ZSCAN32: variants seen among roughly 807,000 people sequenced by gnomAD.
The protein encoded by ZSCAN32 is zinc finger and SCAN domain containing 32.
A neutral mutation model predicts 47.4 loss-of-function variants in ZSCAN32; 52 were observed. The observed-to-expected ratio is 1.10, with a 90% CI of 0.88 to 1.38. The LOEUF (loss-of-function observed/expected upper bound fraction) is 1.38. ZSCAN32 is among the 40% of genes most tolerant of loss of function. ZSCAN32 has a pLI of 0.00. For synonymous variants in ZSCAN32, 346 were observed against 305.7 expected, an observed-to-expected ratio of 1.13 and a Z score of -1.38; for missense variants, 959 against 846.0, an observed-to-expected ratio of 1.13 and a Z score of -1.66.
intron 5 of ZSCAN32, among the ~76,000 whole-genome samples, chr16:3,388,189 C>A (rs1170918228): frequency 6.6e-6 from 1 of 152,228 alleles, no homozygotes; most frequent in East Asian, 1.9e-4. Context: ...CTCATTTGAT[C>A]TGGCTTTCTG....
intron 1 of ZSCAN32, among the ~76,000 whole-genome samples, chr16:3,398,552 C>A (rs2033592471): frequency 6.6e-6 from 1 of 152,176 alleles, no homozygotes; most frequent in Non-Finnish European, 1.5e-5. Flanking sequence ...TTTATCTAGG[C>A]AGTGGGCAAG....
At chr16:3,392,677 A>G (rs1596469298) in intron 3 of ZSCAN32, among the ~76,000 whole-genome samples, 1 of 152,170 alleles carries the variant, frequency 6.6e-6, no homozygotes, top group East Asian at 1.9e-4. Flanking sequence ...AATTCAAAAA[A>G]TTAGCCGGGC....
chr16:3,384,329 C>T (rs746726419), intron 6 of ZSCAN32, 130 bp downstream of exon 6: 49 of 1,376,024 alleles, frequency 3.6e-5, no homozygotes, highest in Middle Eastern at 2.3e-4. Context: ...AAAACCAAAA[C>T]TTGGATAGGG....
chr16:3,391,697 A>AAAAC (rs767841047), intron 3 of ZSCAN32, among the ~76,000 whole-genome samples: 3 of 143,598 alleles, frequency 2.1e-5, no homozygotes, highest in Non-Finnish European at 3.0e-5. Context: ...AAAAAAAAAA[A>AAAAC]CAAAATACTA....
Position 3,384,821 on chromosome 16 carries a change from G to A in ZSCAN32, c.872C>T (p.Ala291Val), listed in dbSNP as rs772229742. The change falls in exon 6 of 7, where the codon GCG (alanine) becomes GTG (valine). Residue 291 changes from alanine (A) to valine (V), a missense_variant. Physicochemically the swap from Ala to Val is moderately conservative, Grantham distance 64. Transcript: ENST00000396852. ...AAAACCCTGCTCCCAGAGTCCTTCC[G>A]CCATGGCCCTGTAGATCTGGCTGTT... ...QQNSQIYRAMAEGLWEQGFLR... is the reference protein window; with the variant it reads ...QQNSQIYRAMVEGLWEQGFLR... 149 of 1,614,012 alleles carry A rather than the reference G, an allele frequency of 9.2e-5. No homozygotes were observed. The highest frequency in any genetic ancestry group is 1.1e-4 in the South Asian group (10 of 91,088).
At chr16:3,384,981 G>A in intron 5 of ZSCAN32, 40 bp from the exon 6 acceptor site, 3 of 1,586,346 alleles carry the variant, frequency 1.9e-6, no homozygotes, top group South Asian at 1.1e-5. Context: ...CTGTCAGTTA[G>A]ATCATGGAGG....
At chr16:3,388,023 G>C (rs550890625) in intron 5 of ZSCAN32, among the ~76,000 whole-genome samples, 61 of 152,328 alleles carry the variant, frequency 4.0e-4, no homozygotes, top group African/African-American at 1.3e-3. Context: ...AGGGCCTCAT[G>C]ATCCCATATT....
At chr16:3,391,755 T>G (rs537832255) in intron 3 of ZSCAN32, among the ~76,000 whole-genome samples, 90 of 151,482 alleles carry the variant, frequency 5.9e-4, no homozygotes, top group Non-Finnish European at 1.0e-3. Flanking sequence ...TTTGCCAACT[T>G]AAACATCATC....
intron 3 of ZSCAN32, 136 bp from the exon 4 acceptor site, chr16:3,390,653 CA>C (rs2032579171): frequency 1.6e-6 from 1 of 639,934 alleles, no homozygotes; most frequent in African/African-American, 1.9e-5. Flanking sequence ...TCTGGGGCCC[CA>C]CCTCAGATCT....
chr16:3,384,699 A>C lies in ZSCAN32; in HGVS notation c.994T>G (p.Tyr332Asp), dbSNP rs27230. ...CCTGAAAGAGCATTCATTTCCTCAT[A>C]AAAGATACAAGGCTCAGGCACACGG... is the stretch of plus-strand genomic sequence containing the variant. ...RGRVPEPCIF[Y>D]EEMNALSGSW... The change falls in exon 6 of 7, where the codon TAT becomes GAT. Residue 332 changes from tyrosine (Y) to aspartate (D), a missense_variant. Transcript: ENST00000396852. 1 of 1,614,074 alleles carries C rather than the reference A, an allele frequency of 6.2e-7. No homozygotes were observed. The highest frequency in any genetic ancestry group is 8.5e-7 in the Non-Finnish European group (1 of 1,179,996).
Position 3,383,135 on chromosome 16 carries a change from G to A in ZSCAN32, c.1811C>T (p.Pro604Leu). ...VHQRTHTGEK[P>L]YQCIVCGKRF... Reference sequence around the variant, plus strand: ...CTTTCCACAGACAATGCACTGGTAAGGCTTTTCCCCGGTATGGGTCCTCTG... The same window carrying A: ...CTTTCCACAGACAATGCACTGGTAAAGCTTTTCCCCGGTATGGGTCCTCTG... The change falls in exon 7 of 7, where the codon CCT (proline) becomes CTT (leucine). Residue 604 changes from proline to leucine, a missense_variant. Transcript: ENST00000396852. The A allele has an allele frequency of 6.2e-7, 1 of 1,614,220 alleles. No individual in the cohort carries two copies. The highest frequency in any genetic ancestry group is 8.5e-7 in the Non-Finnish European group (1 of 1,180,044).
chr16:3,392,187 A>T (rs1252974038), intron 3 of ZSCAN32, among the ~76,000 whole-genome samples: 2 of 152,222 alleles, frequency 1.3e-5, no homozygotes, highest in Non-Finnish European at 2.9e-5. Flanking sequence ...CACAACAGGT[A>T]AATCCATGGA....
chr16:3,397,050 A>G (rs1003738691), intron 2 of ZSCAN32, 142 bp downstream of exon 2: 1 of 983,866 alleles, frequency 1.0e-6, no homozygotes, highest in Non-Finnish European at 1.5e-6. Flanking sequence ...TTATAAGGGC[A>G]TAGGACCAAT....
At chr16:3,385,491 T>C (rs1234571990) in intron 5 of ZSCAN32, among the ~76,000 whole-genome samples, 1 of 152,090 alleles carries the variant, frequency 6.6e-6, no homozygotes, top group Non-Finnish European at 1.5e-5. Context: ...GCCAAGTCAA[T>C]CCTAAGCCAA....
chr16:3,386,941 A>T (rs1031083853), intron 5 of ZSCAN32, among the ~76,000 whole-genome samples: 12 of 6,444 alleles, frequency 1.9e-3, no homozygotes, highest in Non-Finnish European at 6.1e-3. Flanking sequence ...TAAAGTATAA[A>T]AAAAAAAAAA....
At position 3,393,746 on chromosome 16, in the gene ZSCAN32, T is replaced by C; in HGVS notation, c.435A>G (p.Glu145=). 6.4e-7 allele frequency: 1 copy of C among 1,550,474 alleles called. No individual in the cohort carries two copies. The highest frequency in any genetic ancestry group is 8.7e-7 in the Non-Finnish European group (1 of 1,146,946). The stretch of plus-strand genomic sequence containing the variant: ...CCTGTTTCCATTGGGATCTCAGTGA[T>C]TCTCTGGTTGCTCCCAAAGGGGCCA... ...KEMAPLGATR[E]SLRSQWKQEV... is the part of the protein sequence containing the mutation. Residue 145 remains glutamate (E), a synonymous_variant, in exon 3 of 7, where the codon GAA becomes GAG. Transcript: ENST00000396852.
At chr16:3,394,840 G>A (rs1462979611) in intron 2 of ZSCAN32, among the ~76,000 whole-genome samples, 12 of 152,006 alleles carry the variant, frequency 7.9e-5, no homozygotes, top group African/African-American at 2.9e-4. Flanking sequence ...GGTATGTGCT[G>A]TGCCCTCTGT....
rs781601360 is a variant in ZSCAN32 at position 3,383,023 on chromosome 16, G to A, written c.1923C>T (p.Ile641=). 3.2e-5 allele frequency: 51 copies of A among 1,613,980 alleles called. No homozygotes were observed. Among genetic ancestry groups the A allele is most frequent in the African/African-American group, 1.2e-4 (9 of 74,916 alleles). ...CACTGAAGTGGGAGCTATTGTTGAAGATTTTCCCACACACTGCACACTTGT... is the reference window on the plus strand; with the variant it reads ...CACTGAAGTGGGAGCTATTGTTGAAAATTTTCCCACACACTGCACACTTGT... ...SPYKCAVCGK[I]FNNSSHFSAH... Residue 641 remains isoleucine, a synonymous_variant, in exon 7 of 7, where the codon ATC becomes ATT. Coordinates refer to ENST00000396852, the MANE Select transcript of ZSCAN32 (RefSeq NM_001284527.2).
At chr16:3,400,501 T>C (rs1567334357) in intron 1 of ZSCAN32, among the ~76,000 whole-genome samples, 2 of 152,216 alleles carry the variant, frequency 1.3e-5, no homozygotes, top group South Asian at 4.1e-4. Context: ...AATTTTAAAA[T>C]GCTGTTCTCT....
Sources: allele counts gnomAD v4.1 joint callset (sites outside exome capture counted in the v4.1 genomes callset), GRCh38; gene constraint gnomAD v4.1.1; transcripts MANE v1.5; gene names NCBI Gene and HGNC (gene_info 2026-07-23, HGNC 2026-07-21).